Variants in SKIC3 observed in about 807,000 individuals in gnomAD.
SKIC3 encodes the protein superkiller complex protein 3.
chr5:95,534,213 GA>G, the SKIC3 span, among the ~76,000 whole-genome samples: 722 of 138,780 alleles, frequency 5.2e-3, 2 homozygotes, highest in African/African-American at 0.012. Flanking sequence ...TTCCTATCAG[GA>G]AAAAAAAAAA....
At chr5:95,533,534 A>G in the SKIC3 span, among the ~76,000 whole-genome samples, 3 of 152,156 alleles carry the variant, frequency 2.0e-5, no homozygotes, top group South Asian at 6.2e-4. Flanking sequence ...AATGTACCCA[A>G]ACCTGAATTT....
the SKIC3 span, among the ~76,000 whole-genome samples, chr5:95,473,742 T>C: frequency 6.6e-6 from 1 of 152,196 alleles, no homozygotes; most frequent in South Asian, 2.1e-4. Context: ...TAATGTCCTT[T>C]AACTGTTTGT....
At chr5:95,527,706 T>A in the SKIC3 span, among the ~76,000 whole-genome samples, 2 of 152,152 alleles carry the variant, frequency 1.3e-5, no homozygotes, top group African/African-American at 4.8e-5. Flanking sequence ...AGGAAAAAAT[T>A]TGGAATCTCA....
chr5:95,524,368 G>A, the SKIC3 span: 2 of 1,527,284 alleles, frequency 1.3e-6, no homozygotes, highest in Non-Finnish European at 1.8e-6. Flanking sequence ...ACAAAAAACA[G>A]TTCAGTAAAG....
At chr5:95,507,043 C>G in the SKIC3 span, 4 of 1,579,610 alleles carry the variant, frequency 2.5e-6, no homozygotes, top group Admixed American at 6.7e-5. Context: ...TAATTTATCT[C>G]TGTGCAATAG....
the SKIC3 span, among the ~76,000 whole-genome samples, chr5:95,524,229 A>G: frequency 3.3e-5 from 5 of 152,316 alleles, no homozygotes; most frequent in East Asian, 9.6e-4. Context: ...ATTGTTTACA[A>G]GAGATAATTA....
chr5:95,487,131 T>C, the SKIC3 span, among the ~76,000 whole-genome samples: 700 of 152,210 alleles, frequency 4.6e-3, 4 homozygotes, highest in African/African-American at 0.016. Flanking sequence ...AAGACCGGCC[T>C]AGCCTCCCAC....
chr5:95,517,257 A>G, the SKIC3 span: 1 of 1,613,426 alleles, frequency 6.2e-7, no homozygotes, highest in Non-Finnish European at 8.5e-7. Context: ...GACAGCATAC[A>G]GACAGGTACA....
chr5:95,466,141 A>G, the SKIC3 span, among the ~76,000 whole-genome samples: 1 of 152,216 alleles, frequency 6.6e-6, no homozygotes, highest in East Asian at 1.9e-4. Context: ...ATTGTTGGCT[A>G]AAGCTATGAA....
At chr5:95,540,294 A>G in the SKIC3 span, among the ~76,000 whole-genome samples, 3 of 152,114 alleles carry the variant, frequency 2.0e-5, no homozygotes, top group South Asian at 2.1e-4. Context: ...GAATAATACA[A>G]TGGACTTCGG....
chr5:95,533,906 T>C, the SKIC3 span, among the ~76,000 whole-genome samples: 1 of 152,222 alleles, frequency 6.6e-6, no homozygotes, highest in African/African-American at 2.4e-5. Flanking sequence ...TTTATGCTTA[T>C]TGAGAAAGCA....
the SKIC3 span, among the ~76,000 whole-genome samples, chr5:95,481,064 A>G: frequency 2.6e-5 from 4 of 152,104 alleles, no homozygotes; most frequent in Non-Finnish European, 4.4e-5. Context: ...TGTCATATAT[A>G]GAGTAGTACT....
chr5:95,468,935 C>T, the SKIC3 span, among the ~76,000 whole-genome samples: 2 of 152,148 alleles, frequency 1.3e-5, no homozygotes, highest in African/African-American at 2.4e-5. Context: ...ATTAGTCACA[C>T]ATAAAAATGG....
At chr5:95,505,264 G>C in the SKIC3 span, among the ~76,000 whole-genome samples, 2 of 151,944 alleles carry the variant, frequency 1.3e-5, no homozygotes, top group African/African-American at 4.8e-5. Context: ...GATATGAATG[G>C]GGGCTAAAAA....
the SKIC3 span, chr5:95,520,842 T>C: frequency 6.6e-7 from 1 of 1,521,142 alleles, no homozygotes; most frequent in Non-Finnish European, 9.1e-7. Flanking sequence ...AGTTTGTCAC[T>C]GTTATTAAAA....
the SKIC3 span, among the ~76,000 whole-genome samples, chr5:95,505,815 CAAA>C: frequency 1.8e-5 from 2 of 113,458 alleles, no homozygotes. Flanking sequence ...TCTGTCCCCC[CAAA>C]AAAAAAAAAA....
At chr5:95,501,716 A>T in the SKIC3 span, among the ~76,000 whole-genome samples, 2,525 of 151,392 alleles carry the variant, frequency 0.017, 46 homozygotes, top group African/African-American at 0.045. Flanking sequence ...ATATATATAT[A>T]TTTTTTCCCA....
chr5:95,491,948 A>G, the SKIC3 span, among the ~76,000 whole-genome samples: 1 of 152,066 alleles, frequency 6.6e-6, no homozygotes, highest in South Asian at 2.1e-4. Flanking sequence ...TTCTTATCTG[A>G]CCACCCCACC....
At chr5:95,488,572 T>A in the SKIC3 span, among the ~76,000 whole-genome samples, 1 of 152,196 alleles carries the variant, frequency 6.6e-6, no homozygotes, top group Non-Finnish European at 1.5e-5. Context: ...AAGGACACTA[T>A]ACCCAGCAAA....
Sources: allele counts gnomAD v4.1 joint callset (sites outside exome capture counted in the v4.1 genomes callset), GRCh38; gene constraint gnomAD v4.1.1; transcripts MANE v1.5; gene names NCBI Gene and HGNC (gene_info 2026-07-23, HGNC 2026-07-21).